CBLL1: variants seen among roughly 807,000 people sequenced by gnomAD.
CBLL1 encodes Cbl proto-oncogene like 1, also known as E3 ubiquitin-protein ligase Hakai.
Under a neutral mutation model 44.9 loss-of-function variants are expected in CBLL1, and 4 were observed. The ratio of observed to expected loss-of-function variants is 0.09; its 90% CI spans 0.04 to 0.20. The LOEUF is 0.20. CBLL1 is among the 10% of genes least tolerant of loss of function. The pLI, the probability that CBLL1 is intolerant of heterozygous loss-of-function variation, is 1.00. For synonymous variants in CBLL1, 235 were observed against 202.2 expected (o/e 1.16, Z -1.38); for missense variants, 569 against 636.7 (o/e 0.89, Z 1.14).
rs1383541875 is a variant in CBLL1, at chr7:107,758,352, C to T, written c.650C>T (p.Pro217Leu). Residue 217 changes from proline to leucine, a missense_variant, in exon 6 of 6, where the codon CCT (proline) becomes CTT (leucine). Physicochemically the swap from Pro to Leu is moderately conservative, Grantham distance 98. Transcript: ENST00000440859. This position sits in a 1 kb window ranked among gnomAD's most constrained non-coding sequence, Gnocchi z 4.2. The part of the protein sequence containing the change: ...PPIAPPPTEI[P>L]ERFIMPPDKH... ...ATTGCCCCACCACCAACTGAAATCC[C>T]TGAGCGTTTTATAATGCCACCAGAC... The T allele has an allele frequency of 6.2e-7, 1 of 1,614,080 alleles. No homozygotes were observed. The highest frequency in any genetic ancestry group is 8.5e-7 in the Non-Finnish European group (1 of 1,180,010).
At position 107,759,355 on chromosome 7, in the gene CBLL1, A is replaced by G. The variant is rs904503489; in HGVS notation, c.*177A>G. The stretch of plus-strand genomic sequence containing the variant: ...GACCTTAAGATTGATTTCAAGTACC[A>G]TACTGTAGTACAGATAAGTGGCTCA... On this transcript the variant is annotated 3_prime_UTR_variant, in exon 6 of 6. Transcript: ENST00000440859. 2 of 597,444 alleles carry G rather than the reference A, an allele frequency of 3.3e-6. No individual in the cohort carries two copies. The highest frequency in any genetic ancestry group is 5.8e-6 in the Non-Finnish European group (2 of 343,106). 37.0% of individuals were successfully genotyped at this position (597,444 alleles called of 1,614,324 possible). A position where few individuals can be genotyped will look rare whatever the true frequency, so the allele number is the denominator to read the frequency against.
rs763879871 is a variant in CBLL1 at position 107,758,679 on chromosome 7, C to G, written c.977C>G (p.Pro326Arg). The change falls in exon 6 of 6, where the codon CCA becomes CGA. Residue 326 changes from proline to arginine, a missense_variant. Coordinates refer to ENST00000440859, the MANE Select transcript of CBLL1 (RefSeq NM_024814.4). The surrounding 1 kb of genome is among the most constrained non-coding windows in gnomAD (Gnocchi z 4.2). ...CATCATCCTGAATATCAGGGTCAAC[C>G]AGTGGTATCGCACCCTCATCATATT... ...AHHHPEYQGQ[P>R]VVSHPHHIMP... 3.1e-6 allele frequency: 5 copies of G among 1,614,012 alleles called. No individual in the cohort carries two copies. The highest frequency in any genetic ancestry group is 1.7e-5 in the Admixed American group (1 of 60,000).
At chr7:107,746,525 A>C (rs1793025749) in intron 1 of CBLL1, among the ~76,000 whole-genome samples, 2 of 152,194 alleles carry the variant, frequency 1.3e-5, no homozygotes, top group Admixed American at 1.3e-4. Context: ...GGTTTTCATG[A>C]AATTCGTAAA....
At position 107,761,409 on chromosome 7, in the gene CBLL1, A is replaced by G. The variant is rs1211040786; in HGVS notation, c.*2231A>G. On this transcript the variant is annotated 3_prime_UTR_variant, in exon 6 of 6. Coordinates refer to ENST00000440859, the MANE Select transcript of CBLL1 (RefSeq NM_024814.4). ...TATCAGATGAATGTTGTAGCAGACAAAAGTTTTAAATCGTGTTAGACTTGA... is the reference window on the plus strand; with the variant it reads ...TATCAGATGAATGTTGTAGCAGACAGAAGTTTTAAATCGTGTTAGACTTGA... 6.6e-6 allele frequency: 1 copy of G among 152,190 alleles called. No homozygotes were observed. The highest frequency in any genetic ancestry group is 1.9e-4 in the East Asian group (1 of 5,336). The allele number at this position is 152,190 out of a possible 1,614,324, so 9.4% of individuals were successfully genotyped here. A position where few individuals can be genotyped will look rare whatever the true frequency, so the allele number is the denominator to read the frequency against.
rs1477426563 is a variant in CBLL1, at chr7:107,755,690, A to G, written c.440+199A>G. 1.2e-5 allele frequency: 4 copies of G among 330,742 alleles called. No individual in the cohort carries two copies. The South Asian group carries it at 4.0e-4, about 33-fold the overall frequency. The allele number at this position is 330,742 out of a possible 1,614,324, so 20.5% of individuals were successfully genotyped here. The stretch of plus-strand genomic sequence containing the variant: ...AAGGTAGCCACTATCAGTCAACTCA[A>G]ATTGGTCAAAATGAAATCTGTTTGC... On this transcript the variant is annotated intron_variant, in intron 5 of 5. Transcript: ENST00000440859.
intron 1 of CBLL1, among the ~76,000 whole-genome samples, chr7:107,745,430 T>TATTAGGA (rs1792966248): frequency 6.6e-6 from 1 of 152,168 alleles, no homozygotes; most frequent in Admixed American, 6.5e-5. Context: ...TGCAGCCTCC[T>TATTAGGA]AATAGCCAGA....
At chr7:107,757,270 T>C (rs1477037868) in intron 5 of CBLL1, among the ~76,000 whole-genome samples, 1 of 152,184 alleles carries the variant, frequency 6.6e-6, no homozygotes, top group Non-Finnish European at 1.5e-5. Context: ...TTTTAGGTAA[T>C]ATGAAATAGA....
intron 5 of CBLL1, among the ~76,000 whole-genome samples, chr7:107,756,021 T>A (rs1316443210): frequency 6.6e-6 from 1 of 152,210 alleles, no homozygotes; most frequent in East Asian, 1.9e-4. Flanking sequence ...TATAAGCTCT[T>A]GTTACTTTCA....
chr7:107,753,968 A>G lies in CBLL1; in HGVS notation c.356A>G (p.Tyr119Cys). Residue 119 changes from tyrosine to cysteine, a missense_variant, in exon 4 of 6, where the codon TAT becomes TGT. Tyr to Cys is a radical substitution (Grantham distance 194). Transcript: ENST00000440859. ...CDKCGLPIKI[Y>C]GRMIPCKHVF... Reference sequence around the variant, plus strand: ...AAGTGTGGATTGCCTATTAAAATCTATGGGAGAATGGTAAGTATAATTAAA... The same window carrying G: ...AAGTGTGGATTGCCTATTAAAATCTGTGGGAGAATGGTAAGTATAATTAAA... 1 of 1,573,856 alleles carries G rather than the reference A, an allele frequency of 6.4e-7. No individual in the cohort carries two copies. Among genetic ancestry groups the G allele is most frequent in the Non-Finnish European group, 8.7e-7 (1 of 1,151,014 alleles).
intron 1 of CBLL1, among the ~76,000 whole-genome samples, chr7:107,746,119 T>G (rs1206937634): frequency 6.6e-6 from 1 of 152,190 alleles, no homozygotes; most frequent in Non-Finnish European, 1.5e-5. Context: ...GAAACTGGGA[T>G]TTTGATGTTA....
Position 107,760,743 on chromosome 7 carries a change from A to G in CBLL1, c.*1565A>G, listed in dbSNP as rs1793730884. 2.0e-5 allele frequency: 3 copies of G among 152,190 alleles called. No individual in the cohort carries two copies. In the South Asian group the frequency reaches 6.2e-4, roughly 31 times the overall value. 9.4% of individuals were successfully genotyped at this position (152,190 alleles called of 1,614,324 possible). ...AACATACTTCTTTTGACAAAGGGTG[A>G]TCTGATTGCTAATTTACCATTTTAT... is the stretch of plus-strand genomic sequence containing the variant. On this transcript the variant is annotated 3_prime_UTR_variant, in exon 6 of 6. Transcript: ENST00000440859.
intron 1 of CBLL1, among the ~76,000 whole-genome samples, chr7:107,746,621 G>C (rs1793032970): frequency 6.6e-6 from 1 of 152,192 alleles, no homozygotes; most frequent in African/African-American, 2.4e-5. Context: ...ATCATGACAG[G>C]ATAGGCATCT....
intron 5 of CBLL1, among the ~76,000 whole-genome samples, chr7:107,757,275 A>T (rs956580862): frequency 6.6e-6 from 1 of 152,188 alleles, no homozygotes; most frequent in African/African-American, 2.4e-5. Flanking sequence ...GGTAATATGA[A>T]ATAGATATAA....
At chr7:107,747,918 T>G (rs1432597625) in intron 1 of CBLL1, among the ~76,000 whole-genome samples, 1 of 152,220 alleles carries the variant, frequency 6.6e-6, no homozygotes, top group Non-Finnish European at 1.5e-5. Context: ...TTCAATAACT[T>G]GTCATGTTTA....
chr7:107,745,878 G>A (rs1288971246), intron 1 of CBLL1, among the ~76,000 whole-genome samples: 1 of 152,166 alleles, frequency 6.6e-6, no homozygotes, highest in African/African-American at 2.4e-5. Flanking sequence ...CAAGTGTTTG[G>A]TCTTGGACTG....
intron 2 of CBLL1, among the ~76,000 whole-genome samples, chr7:107,750,613 G>A (rs1193978162): frequency 6.6e-6 from 1 of 152,160 alleles, no homozygotes; most frequent in Non-Finnish European, 1.5e-5. Flanking sequence ...ATTCTATATA[G>A]TCAGATATCC....
chr7:107,758,351 C>T lies in CBLL1; in HGVS notation c.649C>T (p.Pro217Ser). ...PPIAPPPTEI[P>S]ERFIMPPDKH... ...TATTGCCCCACCACCAACTGAAATC[C>T]CTGAGCGTTTTATAATGCCACCAGA... is the stretch of plus-strand genomic sequence containing the variant. The change falls in exon 6 of 6, where the codon CCT (proline) becomes TCT (serine). Residue 217 changes from proline (P) to serine (S), a missense_variant. By Grantham distance (74) the Pro-to-Ser change is moderately conservative. Coordinates refer to ENST00000440859, the MANE Select transcript of CBLL1 (RefSeq NM_024814.4). This position sits in a 1 kb window ranked among gnomAD's most constrained non-coding sequence, Gnocchi z 4.2. The T allele has an allele frequency of 6.2e-7, 1 of 1,614,036 alleles. No individual in the cohort carries two copies. The highest frequency in any genetic ancestry group is 1.1e-5 in the South Asian group (1 of 91,074).
In CBLL1 at chr7:107,759,832, G is replaced by C. The variant is rs1584391914; in HGVS notation, c.*654G>C. 6.6e-6 allele frequency: 1 copy of C among 152,246 alleles called. No homozygotes were observed. 9.4% of individuals were successfully genotyped at this position (152,246 alleles called of 1,614,324 possible). ...TTTTCATTTTTAGGCAGCCTCAGGA[G>C]CACCAAAATACATTGGAATTCTAGT... On this transcript the variant is annotated 3_prime_UTR_variant, in exon 6 of 6. Coordinates refer to ENST00000440859, the MANE Select transcript of CBLL1 (RefSeq NM_024814.4).
intron 2 of CBLL1, among the ~76,000 whole-genome samples, chr7:107,749,940 T>TTTTG (rs140661181): frequency 2.7e-5 from 4 of 150,726 alleles, no homozygotes; most frequent in South Asian, 2.1e-4. Context: ...ATATATATTT[T>TTTTG]TTTGTTTGTT....
Sources: gnomAD v4.1 joint callset for allele counts (sites outside exome capture counted in the v4.1 genomes callset) on GRCh38, gnomAD v4.1.1 for gene constraint, Gnocchi (gnomAD v3.1) non-coding constraint, MANE v1.5 for transcripts, NCBI Gene and HGNC (gene_info 2026-07-23, HGNC 2026-07-21) for gene names.